The following FAM234A variants were observed in gnomAD, a reference collection of about 807,000 sequenced individuals.
FAM234A encodes the protein family with sequence similarity 234 member A.
Under a neutral mutation model 49.1 loss-of-function variants are expected in FAM234A, and 42 were observed. That is an observed-to-expected ratio of 0.86 (90% CI 0.67 to 1.11). The LOEUF is 1.11. Among genes scored for constraint, FAM234A ranks in the 50% least tolerant of loss-of-function variants. The pLI is 0.00. For synonymous variants in FAM234A, 369 were observed against 316.2 expected, an observed-to-expected ratio of 1.17 and a Z score of -1.77; for missense variants, 815 against 745.2, an observed-to-expected ratio of 1.09 and a Z score of -1.09.
chr16:242,162 G>A (rs529629661), intron 1 of FAM234A, among the ~76,000 whole-genome samples: 1 of 152,308 alleles, frequency 6.6e-6, no homozygotes, highest in East Asian at 1.9e-4. Flanking sequence ...TGGACTCCCT[G>A]GAGGACAGAT....
intron 8 of FAM234A, among the ~76,000 whole-genome samples, 174 bp from the exon 9 acceptor site, chr16:263,088 A>G (rs1409712517): frequency 1.3e-5 from 2 of 151,992 alleles, no homozygotes; most frequent in African/African-American, 2.4e-5. Context: ...AAAGTGCTGG[A>G]ATTACAGGCA....
At position 259,448 on chromosome 16, in the gene FAM234A, G is replaced by C. The variant is rs201639174; in HGVS notation, c.269-35G>C. The stretch of plus-strand genomic sequence containing the variant: ...TGATCGTTCCTGGAAACCAGGCATG[G>C]CCCGCGGAGTATAGTCTGTGGTTTT... On this transcript the variant is annotated intron_variant, in intron 3 of 12. Transcript: ENST00000399932. The C allele has an allele frequency of 5.2e-3, 6,450 of 1,236,886 alleles. 235 individuals are homozygous for C. The African/African-American group carries it at 0.083, about 16-fold the overall frequency. 76.6% of individuals were successfully genotyped at this position (1,236,886 alleles called of 1,614,324 possible). A position where few individuals can be genotyped will look rare whatever the true frequency, so the allele number is the denominator to read the frequency against.
At chr16:260,472 C>A in intron 5 of FAM234A, 1 of 495,674 alleles carries the variant, frequency 2.0e-6, no homozygotes, top group Admixed American at 2.5e-5. Context: ...TGGCCCCCGG[C>A]TGCTCCTGGG....
intron 2 of FAM234A, among the ~76,000 whole-genome samples, chr16:251,780 G>A (rs1332708188): frequency 6.7e-6 from 1 of 149,800 alleles, no homozygotes; most frequent in African/African-American, 2.5e-5. Context: ...AGTGCGGGTG[G>A]ATCACGAGGT....
downstream of FAM234A, among the ~76,000 whole-genome samples, chr16:267,526 GCACA>G (rs113070423): frequency 1.4e-4 from 21 of 148,294 alleles, no homozygotes; most frequent in Middle Eastern, 3.5e-3. Context: ...CACGACACGT[GCACA>G]CACACCACAC....
intron 3 of FAM234A, among the ~76,000 whole-genome samples, chr16:257,300 C>T (rs1337735790): frequency 1.5e-5 from 2 of 129,044 alleles, no homozygotes; most frequent in Admixed American, 1.9e-4. Flanking sequence ...CTGGAGAGTG[C>T]AGTGGCGCGA....
chr16:260,312 G>T (rs1458202520), intron 5 of FAM234A, 152 bp downstream of exon 5: 4 of 718,982 alleles, frequency 5.6e-6, no homozygotes, highest in Non-Finnish European at 9.4e-6. Flanking sequence ...GAACCTCCAA[G>T]TGAGGCTGCA....
intron 1 of FAM234A, among the ~76,000 whole-genome samples, chr16:241,774 G>T (rs966214207): frequency 6.6e-6 from 1 of 151,094 alleles, no homozygotes; most frequent in East Asian, 2.0e-4. Flanking sequence ...AAAATTAGCC[G>T]GGCTTGGTGG....
intron 1 of FAM234A, among the ~76,000 whole-genome samples, chr16:242,068 A>G (rs1458595818): frequency 6.6e-6 from 1 of 152,132 alleles, no homozygotes; most frequent in Non-Finnish European, 1.5e-5. Flanking sequence ...CCCCTGCCGA[A>G]ATGTTAATGA....
At chr16:268,556 A>C, downstream of FAM234A, 2 of 583,508 alleles carry the variant, frequency 3.4e-6, no homozygotes, top group East Asian at 2.9e-5. Flanking sequence ...ACGCCTGGCA[A>C]GGATCCACCC....
intron 3 of FAM234A, among the ~76,000 whole-genome samples, chr16:258,002 C>T (rs1466527034): frequency 1.1e-4 from 17 of 151,960 alleles, no homozygotes; most frequent in African/African-American, 4.8e-5. Context: ...GAACTATAGG[C>T]GCCCGCCACC....
chr16:268,811 G>A (rs372974584), downstream of FAM234A: 5,991 of 1,550,336 alleles, frequency 3.9e-3, 13 homozygotes, highest in Non-Finnish European at 4.7e-3. Context: ...GCTCTTGGAC[G>A]GGGCAGAGCT....
chr16:258,399 A>G (rs1271744773), intron 3 of FAM234A, among the ~76,000 whole-genome samples: 1 of 152,194 alleles, frequency 6.6e-6, no homozygotes, highest in Non-Finnish European at 1.5e-5. Context: ...AACAAAGCAC[A>G]TCTTGCACCG....
intron 1 of FAM234A, among the ~76,000 whole-genome samples, chr16:241,688 C>T (rs540363974): frequency 7.2e-5 from 11 of 151,994 alleles, no homozygotes; most frequent in Non-Finnish European, 1.3e-4. Context: ...GAGGCCGAGG[C>T]GGGCGGATCA....
intron 1 of FAM234A, among the ~76,000 whole-genome samples, chr16:244,682 CTTTT>C (rs59549388): frequency 3.5e-5 from 3 of 86,740 alleles, no homozygotes; most frequent in African/African-American, 9.5e-5. Context: ...ATGGTAACCT[CTTTT>C]TTTTTTTTTT....
chr16:261,981 G>A lies in FAM234A; in HGVS notation c.709-112G>A, dbSNP rs1596843550. On this transcript the variant is annotated intron_variant, in intron 6 of 12. Coordinates refer to ENST00000399932, the MANE Select transcript of FAM234A (RefSeq NM_032039.4). ...CCCAGGCTCACGTCCCTCTCTTCCT[G>A]GGCCTTGTGTCATTGCAGCCCCAGG... is the stretch of plus-strand genomic sequence containing the variant. 1.8e-5 allele frequency: 16 copies of A among 880,472 alleles called. No individual in the cohort carries two copies. In the East Asian group the frequency reaches 7.6e-4, roughly 42 times the overall value. 54.5% of individuals were successfully genotyped at this position (880,472 alleles called of 1,614,324 possible). A position where few individuals can be genotyped will look rare whatever the true frequency, so the allele number is the denominator to read the frequency against.
downstream of FAM234A, chr16:268,812 G>T: frequency 6.5e-7 from 1 of 1,550,374 alleles, no homozygotes; most frequent in Non-Finnish European, 8.7e-7. Flanking sequence ...CTCTTGGACG[G>T]GGCAGAGCTC....
intron 5 of FAM234A, 22 bp downstream of exon 5, chr16:260,182 G>A (rs1299969965): frequency 1.9e-6 from 3 of 1,610,236 alleles, no homozygotes; most frequent in East Asian, 2.2e-5. Flanking sequence ...AGGCAGCGGG[G>A]TTCTCACTGA....
chr16:266,892 G>A (rs1205852850), downstream of FAM234A, among the ~76,000 whole-genome samples: 3 of 152,114 alleles, frequency 2.0e-5, no homozygotes, highest in Admixed American at 6.5e-5. Context: ...CTGACAGCAC[G>A]GGAGGGAGGG....
Sources: allele counts gnomAD v4.1 joint callset (sites outside exome capture counted in the v4.1 genomes callset), GRCh38; gene constraint gnomAD v4.1.1; transcripts MANE v1.5; gene names NCBI Gene and HGNC (gene_info 2026-07-23, HGNC 2026-07-21).